The following NEK5 variants were observed in gnomAD, a reference collection of about 807,000 sequenced individuals.
The protein encoded by NEK5 is NIMA related kinase 5.
A neutral mutation model predicts 109.2 loss-of-function variants in NEK5; 88 were observed. That is an observed-to-expected ratio of 0.81 (90% CI 0.68 to 0.96). The LOEUF is 0.96. NEK5 is among the 40% of genes least tolerant of loss of function. The pLI is 0.00. For synonymous variants in NEK5, 283 were observed against 299.9 expected (o/e 0.94, Z 0.58); for missense variants, 834 against 920.7 (o/e 0.91, Z 1.22).
chr13:52,122,373 C>T (rs941244310), intron 3 of NEK5, among the ~76,000 whole-genome samples: 29 of 152,084 alleles, frequency 1.9e-4, no homozygotes, highest in African/African-American at 6.8e-4. Flanking sequence ...TTAGTGTGAA[C>T]ACATTTAATA....
At chr13:52,070,990 G>T (rs887340727) in intron 20 of NEK5, among the ~76,000 whole-genome samples, 2 of 152,288 alleles carry the variant, frequency 1.3e-5, no homozygotes, top group African/African-American at 4.8e-5. Context: ...TGAAAGAAAG[G>T]TCACATAACC....
At chr13:52,063,729 C>T (rs1338757999) in intron 21 of NEK5, among the ~76,000 whole-genome samples, 5 of 151,754 alleles carry the variant, frequency 3.3e-5, no homozygotes, top group East Asian at 3.9e-4. Context: ...GCCGCGACCC[C>T]GTCTGGGAGG....
chr13:52,119,383 T>C lies in NEK5; in HGVS notation c.150A>G (p.Lys50=). ...TCATCTTTTCCAGAAGAATCACTTC[T>C]TTCTTTGAAGCTTCTTTTTCTTGTA... ...MPIQEKEASK[K]EVILLEKMKH... is the part of the protein sequence containing the mutation. Residue 50 remains lysine, a synonymous_variant, in exon 4 of 24, where the codon AAA becomes AAG. Coordinates refer to ENST00000684899, the MANE Select transcript of NEK5 (RefSeq NM_001365552.1). The C allele has an allele frequency of 6.2e-7, 1 of 1,600,608 alleles. No homozygotes were observed. Among genetic ancestry groups the C allele is most frequent in the Non-Finnish European group, 8.5e-7 (1 of 1,170,002 alleles).
At chr13:52,072,883 T>C (rs1954806473) in intron 19 of NEK5, among the ~76,000 whole-genome samples, 1 of 152,202 alleles carries the variant, frequency 6.6e-6, no homozygotes, top group African/African-American at 2.4e-5. Flanking sequence ...AATAAACCAA[T>C]TAATTTTGAC....
intron 13 of NEK5, among the ~76,000 whole-genome samples, chr13:52,090,785 G>C (rs1045178391): frequency 6.6e-6 from 1 of 152,126 alleles, no homozygotes; most frequent in African/African-American, 2.4e-5. Context: ...CAGCACTTTG[G>C]GAGGCCAAGG....
intron 4 of NEK5, among the ~76,000 whole-genome samples, chr13:52,112,864 C>T (rs1955783574): frequency 6.6e-6 from 1 of 152,184 alleles, no homozygotes; most frequent in South Asian, 2.1e-4. Flanking sequence ...CACTAGATTA[C>T]AGGACACTCT....
chr13:52,069,160 T>G (rs995886180), intron 20 of NEK5, among the ~76,000 whole-genome samples: 2 of 152,144 alleles, frequency 1.3e-5, no homozygotes, highest in Non-Finnish European at 2.9e-5. Flanking sequence ...CCCTCTGCTT[T>G]TCCCAGCAAA....
At chr13:52,042,051 A>G (rs748683499) in intron 23 of NEK5, among the ~76,000 whole-genome samples, 118 of 152,168 alleles carry the variant, frequency 7.8e-4, no homozygotes, top group Non-Finnish European at 1.4e-3. Context: ...TAGCATCCCT[A>G]TAAAGGAAAA....
chr13:52,069,094 T>G (rs866174916), intron 20 of NEK5, among the ~76,000 whole-genome samples: 5 of 152,186 alleles, frequency 3.3e-5, no homozygotes, highest in Admixed American at 2.0e-4. Flanking sequence ...GAGAGACAAT[T>G]TTCAGTATAC....
intron 4 of NEK5, among the ~76,000 whole-genome samples, chr13:52,116,159 C>T (rs1593998794): frequency 9.5e-6 from 1 of 105,802 alleles, no homozygotes; most frequent in Non-Finnish European, 1.8e-5. Context: ...CCAGCCTGGG[C>T]AACAGAGTAA....
intron 14 of NEK5, 22 bp from the exon 15 acceptor site, chr13:52,087,476 T>G (rs762684302): frequency 8.6e-6 from 10 of 1,164,560 alleles, no homozygotes; most frequent in Non-Finnish European, 1.1e-5. Context: ...ATGAAATAAT[T>G]TATAATGCAT....
chr13:52,121,473 T>C (rs1233782917), intron 3 of NEK5, among the ~76,000 whole-genome samples: 1 of 152,176 alleles, frequency 6.6e-6, no homozygotes, highest in Non-Finnish European at 1.5e-5. Context: ...GACTAATTCT[T>C]CTAGAAATTT....
chr13:52,075,830 G>C lies in NEK5; in HGVS notation c.1654-4C>G. On this transcript the variant is annotated splice_polypyrimidine_tract_variant and splice_region_variant and intron_variant, in intron 18 of 23. Transcript: ENST00000684899. ...TAATTTCAAATTTTACCCCCTTCTA[G>C]GAGAAAGCAAAAAAAAAAAAAAAGT... The C allele has an allele frequency of 3.3e-6, 5 of 1,496,442 alleles. No homozygotes were observed. The highest frequency in any genetic ancestry group is 4.5e-6 in the Non-Finnish European group (5 of 1,113,772). The allele number at this position is 1,496,442 out of a possible 1,614,324, so 92.7% of individuals were successfully genotyped here. A position where few individuals can be genotyped will look rare whatever the true frequency, so the allele number is the denominator to read the frequency against.
chr13:52,120,051 T>C (rs568009631), intron 3 of NEK5, among the ~76,000 whole-genome samples: 1 of 152,328 alleles, frequency 6.6e-6, no homozygotes, highest in Admixed American at 6.5e-5. Flanking sequence ...TTGTCATTTC[T>C]ACCCTGACTT....
At chr13:52,046,045 T>C (rs1301785722) in intron 23 of NEK5, among the ~76,000 whole-genome samples, 8 of 133,214 alleles carry the variant, frequency 6.0e-5, no homozygotes, top group Admixed American at 2.5e-4. Flanking sequence ...CACTCCAGTC[T>C]GGGCAACAGA....
chr13:52,116,860 AT>A (rs1955869651), intron 4 of NEK5, among the ~76,000 whole-genome samples: 1 of 152,202 alleles, frequency 6.6e-6, no homozygotes. Flanking sequence ...TCTTAGGAAA[AT>A]ATCACTACAT....
At chr13:52,056,771 C>G (rs1954559817) in intron 22 of NEK5, among the ~76,000 whole-genome samples, 2 of 151,478 alleles carry the variant, frequency 1.3e-5, no homozygotes, top group South Asian at 4.2e-4. Context: ...TACAACATAC[C>G]AGAATCTCTG....
At chr13:52,046,951 C>T (rs772689273) in intron 23 of NEK5, among the ~76,000 whole-genome samples, 20 of 152,022 alleles carry the variant, frequency 1.3e-4, no homozygotes, top group African/African-American at 3.6e-4. Context: ...GGCCCATGAA[C>T]GAATTTTCCT....
intron 17 of NEK5, among the ~76,000 whole-genome samples, chr13:52,079,430 C>T (rs1169966293): frequency 6.6e-6 from 1 of 152,218 alleles, no homozygotes; most frequent in African/African-American, 2.4e-5. Flanking sequence ...CTGCCGAGTG[C>T]CTGCGATTGC....
Sources: gnomAD v4.1 joint callset for allele counts (sites outside exome capture counted in the v4.1 genomes callset) on GRCh38, gnomAD v4.1.1 for gene constraint, MANE v1.5 for transcripts, NCBI Gene and HGNC (gene_info 2026-07-23, HGNC 2026-07-21) for gene names.